FRMD6: variants seen among roughly 807,000 people sequenced by gnomAD.
FRMD6 encodes FERM domain containing 6.
In FRMD6, 37 loss-of-function variants were observed where a neutral mutation model predicts 73.2. The ratio of observed to expected loss-of-function variants is 0.51; its 90% confidence interval spans 0.39 to 0.66. The LOEUF is 0.66. Ranked by LOEUF, FRMD6 falls within the 30% of genes least tolerant of loss-of-function variation. FRMD6 has a pLI of 0.00. For missense variants in FRMD6, 714 were observed against 780.5 expected, an observed-to-expected ratio of 0.91 and a Z score of 1.02; for synonymous variants, 273 against 282.2, an observed-to-expected ratio of 0.97 and a Z score of 0.33.
At position 51,708,234 on chromosome 14, in the gene FRMD6, G is replaced by A; in HGVS notation, c.714+1G>A. 2.5e-6 allele frequency: 4 copies of A among 1,611,310 alleles called. No individual in the cohort carries two copies. The highest frequency in any genetic ancestry group is 3.4e-6 in the Non-Finnish European group (4 of 1,178,346). ...TGTTCATTACTACAGATTGTATAAG[G>A]TATGAAACGGCAACTAAGTCTTCAG... On this transcript the variant is annotated splice_donor_variant, in intron 7 of 13. Coordinates refer to ENST00000344768, the MANE Select transcript of FRMD6 (RefSeq NM_001267046.2). LOFTEE classifies it high-confidence loss of function.
intron 2 of FRMD6, among the ~76,000 whole-genome samples, chr14:51,635,102 A>G (rs576764035): frequency 2.0e-5 from 3 of 152,186 alleles, no homozygotes; most frequent in Admixed American, 1.3e-4. Context: ...GCAGGCAGAG[A>G]CCTGGTACTG....
intron 2 of FRMD6, among the ~76,000 whole-genome samples, chr14:51,604,057 T>G (rs1251152976): frequency 1.3e-5 from 2 of 151,896 alleles, no homozygotes; most frequent in Non-Finnish European, 2.9e-5. Flanking sequence ...CTGAGCATAA[T>G]GGAAAATGGA....
At chr14:51,642,561 T>C (rs143191873) in intron 2 of FRMD6, among the ~76,000 whole-genome samples, 1 of 152,124 alleles carries the variant, frequency 6.6e-6, no homozygotes, top group African/African-American at 2.4e-5. Context: ...AAATAAATAA[T>C]ACAAAGGAGG....
chr14:51,642,193 T>C (rs183676156), intron 2 of FRMD6, among the ~76,000 whole-genome samples: 1 of 152,200 alleles, frequency 6.6e-6, no homozygotes, highest in East Asian at 1.9e-4. Flanking sequence ...GAAGGGAACA[T>C]AGTGAGAGAG....
At chr14:51,569,707 G>A (rs1260041822) in intron 1 of FRMD6, among the ~76,000 whole-genome samples, 1 of 151,496 alleles carries the variant, frequency 6.6e-6, no homozygotes, top group African/African-American at 2.4e-5. Flanking sequence ...TTGCCATGTT[G>A]CCCAGGCTAC....
chr14:51,698,786 A>G (rs1896108601), intron 3 of FRMD6, among the ~76,000 whole-genome samples: 1 of 152,040 alleles, frequency 6.6e-6, no homozygotes. Flanking sequence ...TGAGGAGAAG[A>G]TTTTTAAGTA....
At chr14:51,436,327 C>T in the FRMD6 span, 1 of 376,986 alleles carries the variant, frequency 2.7e-6, no homozygotes. Context: ...TGGGTAACAA[C>T]ATTTGTTAAC....
At chr14:51,659,635 A>G (rs941701) in intron 1 of FRMD6, among the ~76,000 whole-genome samples, 3,551 of 152,216 alleles carry the variant, frequency 0.023, 107 homozygotes, top group African/African-American at 0.066. Flanking sequence ...GTTTCTTTCC[A>G]TATGTCAAAA....
At chr14:51,506,886 T>G (rs1474940633) in intron 1 of FRMD6, among the ~76,000 whole-genome samples, 3 of 152,134 alleles carry the variant, frequency 2.0e-5, no homozygotes, top group Admixed American at 2.0e-4. Flanking sequence ...GGAAGGATAA[T>G]ATTTGTGATG....
At chr14:51,673,416 CTT>C (rs1894163227) in intron 1 of FRMD6, among the ~76,000 whole-genome samples, 1 of 152,098 alleles carries the variant, frequency 6.6e-6, no homozygotes, top group Non-Finnish European at 1.5e-5. Flanking sequence ...GCCTCCCAAA[CTT>C]TTCTCTTTAT....
chr14:51,531,615 C>T (rs1885588101), intron 1 of FRMD6, among the ~76,000 whole-genome samples: 1 of 152,166 alleles, frequency 6.6e-6, no homozygotes, highest in Non-Finnish European at 1.5e-5. Flanking sequence ...TGTGTTGTAT[C>T]TACAGCCATT....
intron 1 of FRMD6, among the ~76,000 whole-genome samples, chr14:51,675,644 G>A (rs1271505092): frequency 6.6e-6 from 1 of 151,972 alleles, no homozygotes; most frequent in Non-Finnish European, 1.5e-5. Flanking sequence ...AAGGACTTTT[G>A]TAGCAGTAGA....
intron 2 of FRMD6, among the ~76,000 whole-genome samples, 196 bp downstream of exon 2, chr14:51,690,131 C>G (rs927876078): frequency 1.2e-4 from 19 of 152,174 alleles, no homozygotes; most frequent in Admixed American, 1.2e-3. Flanking sequence ...AACATTCTCT[C>G]ACCTGGGTTA....
chr14:51,418,366 G>C, the FRMD6 span, among the ~76,000 whole-genome samples: 1 of 152,122 alleles, frequency 6.6e-6, no homozygotes, highest in African/African-American at 2.4e-5. Flanking sequence ...TGCTGATGTT[G>C]ATGCTGTTCC....
chr14:51,523,273 C>T (rs1885045884), intron 1 of FRMD6, among the ~76,000 whole-genome samples: 1 of 152,244 alleles, frequency 6.6e-6, no homozygotes, highest in Admixed American at 6.5e-5. Flanking sequence ...CTTCTAAGCT[C>T]TTCTGAACAG....
intron 2 of FRMD6, among the ~76,000 whole-genome samples, 170 bp downstream of exon 2, chr14:51,690,105 G>A (rs199979262): frequency 1.3e-5 from 2 of 152,162 alleles, no homozygotes; most frequent in African/African-American, 4.8e-5. Context: ...TTTGTGGCTT[G>A]TGTGCAGCTG....
At chr14:51,630,398 T>TCTAGTTCGAAG (rs1212186866) in intron 2 of FRMD6, among the ~76,000 whole-genome samples, 1 of 152,130 alleles carries the variant, frequency 6.6e-6, no homozygotes, top group Non-Finnish European at 1.5e-5. Context: ...GCCCATGTCA[T>TCTAGTTCGAAG]CTAGTTCGAA....
At chr14:51,442,032 A>G in the FRMD6 span, among the ~76,000 whole-genome samples, 1 of 152,188 alleles carries the variant, frequency 6.6e-6, no homozygotes, top group Non-Finnish European at 1.5e-5. Context: ...GTGTGCTCAA[A>G]ACTTCGTACC....
intron 1 of FRMD6, among the ~76,000 whole-genome samples, chr14:51,523,698 A>C (rs1361361168): frequency 6.6e-6 from 1 of 152,188 alleles, no homozygotes; most frequent in Non-Finnish European, 1.5e-5. Context: ...CCCCTAACAC[A>C]TGATAACTCA....
Sources: allele counts gnomAD v4.1 joint callset (sites outside exome capture counted in the v4.1 genomes callset), GRCh38; gene constraint gnomAD v4.1.1; transcripts MANE v1.5; gene names NCBI Gene and HGNC (gene_info 2026-07-23, HGNC 2026-07-21).